The following ADSS2 variants were observed in gnomAD, a reference collection of about 807,000 sequenced individuals.
ADSS2 encodes the protein adenylosuccinate synthase 2, also known as adenylosuccinate synthetase isozyme 2.
A neutral mutation model predicts 60.0 loss-of-function variants in ADSS2; 30 were observed. The ratio of observed to expected loss-of-function variants is 0.50; its 90% CI spans 0.37 to 0.68. ADSS2 has a LOEUF of 0.68. ADSS2 is among the 30% of genes least tolerant of loss of function. ADSS2 has a pLI of 0.00. For missense variants in ADSS2, 373 were observed against 554.8 expected (o/e 0.67, Z 3.29); for synonymous variants, 187 against 193.1 (o/e 0.97, Z 0.26).
chr1:244,440,072 T>A (rs572888557), intron 1 of ADSS2, among the ~76,000 whole-genome samples: 9 of 152,334 alleles, frequency 5.9e-5, no homozygotes, highest in African/African-American at 2.2e-4. Context: ...CCTACCCTCT[T>A]CCATGCCTCT....
chr1:244,415,028 C>T (rs920168076), intron 11 of ADSS2, among the ~76,000 whole-genome samples: 3 of 152,164 alleles, frequency 2.0e-5, no homozygotes, highest in African/African-American at 2.4e-5. Context: ...AGAGTGGTTC[C>T]GGGGGATCTT....
intron 1 of ADSS2, among the ~76,000 whole-genome samples, chr1:244,439,623 G>A (rs1254535018): frequency 2.0e-5 from 3 of 152,146 alleles, no homozygotes; most frequent in Admixed American, 6.5e-5. Context: ...TGGGGGAAGA[G>A]GGGCACAAGC....
At chr1:244,447,537 G>C (rs1056087459) in intron 1 of ADSS2, among the ~76,000 whole-genome samples, 2 of 152,104 alleles carry the variant, frequency 1.3e-5, no homozygotes, top group Non-Finnish European at 2.9e-5. Context: ...TGTCCTCAGC[G>C]GGGAATAACT....
chr1:244,448,915 T>G (rs1183667557), intron 1 of ADSS2, among the ~76,000 whole-genome samples: 1 of 152,196 alleles, frequency 6.6e-6, no homozygotes, highest in Non-Finnish European at 1.5e-5. Flanking sequence ...CCAGGCTAAG[T>G]GATCCCCTGC....
chr1:244,423,916 C>A, intron 6 of ADSS2, 37 bp downstream of exon 6: 1 of 1,525,600 alleles, frequency 6.6e-7, no homozygotes, highest in Non-Finnish European at 9.0e-7. Context: ...TCAAAAAATG[C>A]ATTCATTCCT....
chr1:244,418,698 T>TA, intron 9 of ADSS2, 62 bp downstream of exon 9: 1 of 1,458,404 alleles, frequency 6.9e-7, no homozygotes, highest in Non-Finnish European at 9.2e-7. Context: ...AATAATTCAT[T>TA]AAGAAAAAAA....
intron 1 of ADSS2, among the ~76,000 whole-genome samples, chr1:244,438,810 G>T (rs1572144623): frequency 1.3e-5 from 2 of 152,074 alleles, no homozygotes; most frequent in Admixed American, 1.3e-4. Context: ...TGTGTTGCAT[G>T]AGATATTTTG....
Position 244,435,168 on chromosome 1 carries a change from C to CAAAAAAAAAAAAAAAAAA in ADSS2, c.355+1639_355+1656dup, listed in dbSNP as rs60576167. Among the ~76,000 whole-genome samples the CAAAAAAAAAAAAAAAAAA allele has an allele frequency of 9.3e-4, 48 of 51,746 alleles. 9 individuals carry two copies. Among genetic ancestry groups the CAAAAAAAAAAAAAAAAAA allele is most frequent in the African/African-American group, 3.4e-3 (41 of 12,004 alleles). The allele number at this position is 51,746 out of a possible 152,430, so 33.9% of individuals were successfully genotyped here. ...GGGTGACAGAGAGAGACTCCGTCTC[C>CAAAAAAAAAAAAAAAAAA]AAAAAAAAAAAAAAAAAAAAAAAAA... On this transcript the variant is annotated intron_variant, in intron 3 of 12. Coordinates refer to ENST00000366535, the MANE Select transcript of ADSS2 (RefSeq NM_001126.5).
chr1:244,438,542 A>C lies in ADSS2; in HGVS notation c.184-774T>G, dbSNP rs556269531. Among the ~76,000 whole-genome samples the C allele has an allele frequency of 2.8e-4, 43 of 152,344 alleles. No homozygotes were observed. In the South Asian group the frequency reaches 8.7e-3, roughly 31 times the overall value. On this transcript the variant is annotated intron_variant, in intron 1 of 12. Coordinates refer to ENST00000366535, the MANE Select transcript of ADSS2 (RefSeq NM_001126.5). Reference sequence around the variant, plus strand: ...ATTAAGTAACCAGATAACTTTTCTAAGTTTAAAAAACATGGAAGAAAACAC... The same window carrying C: ...ATTAAGTAACCAGATAACTTTTCTACGTTTAAAAAACATGGAAGAAAACAC...
chr1:244,448,523 C>A (rs1665449663), intron 1 of ADSS2, among the ~76,000 whole-genome samples: 1 of 152,194 alleles, frequency 6.6e-6, no homozygotes, highest in African/African-American at 2.4e-5. Context: ...CTTTCCCGAT[C>A]ACAGGCAACT....
intron 4 of ADSS2, among the ~76,000 whole-genome samples, chr1:244,430,610 T>G (rs1287773373): frequency 1.3e-5 from 2 of 152,222 alleles, no homozygotes; most frequent in African/African-American, 2.4e-5. Flanking sequence ...GCAGTGGTTT[T>G]CATTATCTAA....
Position 244,432,591 on chromosome 1 carries a change from T to G in ADSS2, c.360A>C (p.Leu120=). 6.4e-6 allele frequency: 10 copies of G among 1,573,038 alleles called. No homozygotes were observed. The highest frequency in any genetic ancestry group is 6.1e-6 in the Non-Finnish European group (7 of 1,154,708). The part of the protein sequence containing the change: ...AEKNVQKGKG[L]EGWEKRLIIS... ...TAATAAGCCTTTTTTCCCAGCCTTC[T>G]AGTCCTAGAAAGGGGAAAAAGATAT... is the stretch of plus-strand genomic sequence containing the variant. The change falls in exon 4 of 13, where the codon CTA becomes CTC. Residue 120 remains leucine (L), a synonymous_variant. Coordinates refer to ENST00000366535, the MANE Select transcript of ADSS2 (RefSeq NM_001126.5).
At position 244,418,796 on chromosome 1, in the gene ADSS2, T is replaced by G; in HGVS notation, c.909A>C (p.Arg303Ser). The G allele has an allele frequency of 2.5e-6, 4 of 1,613,946 alleles. No homozygotes were observed. The highest frequency in any genetic ancestry group is 3.4e-6 in the Non-Finnish European group (4 of 1,179,926). Residue 303 changes from arginine to serine, a missense_variant, in exon 9 of 13, where the codon AGA (arginine) becomes AGC (serine). Physicochemically the swap from Arg to Ser is moderately radical, Grantham distance 110. Transcript: ENST00000366535. ...VYGVVKAYTT[R>S]VGIGAFPTEQ... ...CTGTAGGAAAGGCACCAATACCAACTCTAGTTGTATAAGCTTTCACAACTC... is the reference window on the plus strand; with the variant it reads ...CTGTAGGAAAGGCACCAATACCAACGCTAGTTGTATAAGCTTTCACAACTC...
chr1:244,451,928 C>G, upstream of ADSS2: 1 of 1,172,914 alleles, frequency 8.5e-7, no homozygotes, highest in Non-Finnish European at 1.1e-6. This position sits in a 1 kb window ranked among gnomAD's most constrained non-coding sequence, Gnocchi z 6.6. Flanking sequence ...AGCCAGAGGC[C>G]GGCCCCGCCC....
At chr1:244,435,185 A>AAAAC (rs1665059845) in intron 3 of ADSS2, among the ~76,000 whole-genome samples, 1 of 149,996 alleles carries the variant, frequency 6.7e-6, no homozygotes, top group African/African-American at 2.5e-5. Flanking sequence ...AAAAAAAAAA[A>AAAAC]AAAAAAAAAA....
intron 3 of ADSS2, among the ~76,000 whole-genome samples, 165 bp from the exon 4 acceptor site, chr1:244,432,760 T>G (rs1572140337): frequency 6.9e-6 from 1 of 143,932 alleles, no homozygotes. Flanking sequence ...ACCTCCCGGG[T>G]TCACTGCCAT....
Position 244,451,171 on chromosome 1 carries a change from CCA to C in ADSS2, c.183+462_183+463del, listed in dbSNP as rs1167224555. On this transcript the variant is annotated intron_variant, in intron 1 of 12. Transcript: ENST00000366535. The surrounding 1 kb of genome is among the most constrained non-coding windows in gnomAD (Gnocchi z 6.6). ...CAGGACGTTTCGAAACAATCCACTC[CCA>C]CTCCGCCGCCCTGGGCGGGGCGGGG... 6.6e-6 allele frequency among the ~76,000 whole-genome samples: 1 copy of C among 152,096 alleles called. No homozygotes were observed. Among genetic ancestry groups the C allele is most frequent in the Non-Finnish European group, 1.5e-5 (1 of 68,008 alleles).
At chr1:244,430,942 GA>G (rs1236353281) in intron 4 of ADSS2, among the ~76,000 whole-genome samples, 2 of 152,068 alleles carry the variant, frequency 1.3e-5, no homozygotes, top group Non-Finnish European at 2.9e-5. Flanking sequence ...ACCAACAAGT[GA>G]AACCCTGTCT....
intron 11 of ADSS2, among the ~76,000 whole-genome samples, chr1:244,412,082 G>A (rs1664429210): frequency 6.6e-6 from 1 of 152,188 alleles, no homozygotes; most frequent in Non-Finnish European, 1.5e-5. Context: ...ACCAAAGGGA[G>A]CTGCTGCCCC....
Sources: allele counts gnomAD v4.1 joint callset (sites outside exome capture counted in the v4.1 genomes callset), GRCh38; gene constraint gnomAD v4.1.1; non-coding constraint Gnocchi (gnomAD v3.1); transcripts MANE v1.5; gene names NCBI Gene and HGNC (gene_info 2026-07-23, HGNC 2026-07-21).